The following CEBPZ variants were observed in gnomAD, a reference collection of about 807,000 sequenced individuals.
CEBPZ encodes CCAAT enhancer binding protein zeta.
Under a neutral mutation model 104.5 loss-of-function variants are expected in CEBPZ, and 78 were observed. The observed-to-expected ratio is 0.75, with a 90% confidence interval of 0.62 to 0.90. The LOEUF (loss-of-function observed/expected upper bound fraction) is 0.90. Among genes scored for constraint, CEBPZ ranks in the 40% least tolerant of loss-of-function variants. The pLI, the probability that CEBPZ is intolerant of heterozygous loss-of-function variation, is 0.00. For synonymous variants in CEBPZ, 470 were observed against 427.0 expected (o/e 1.10, Z -1.24); for missense variants, 1,439 against 1,233.5 (o/e 1.17, Z -2.50).
Position 37,213,898 on chromosome 2 carries a change from T to G in CEBPZ, c.2511A>C (p.Glu837Asp). Residue 837 changes from glutamate (E) to aspartate (D), a missense_variant, in exon 10 of 16, where the codon GAA becomes GAC. Coordinates refer to ENST00000234170, the MANE Select transcript of CEBPZ (RefSeq NM_005760.3). ...CTTCAAATTCTTCATCATCCACGTC[T>G]TCTATACTTTCTTCATCTGCATCCC... ...QKRDADEESIEDVDDEEFEEL... is the reference protein window; with the variant it reads ...QKRDADEESIDDVDDEEFEEL... 1.2e-6 allele frequency: 2 copies of G among 1,602,780 alleles called. No individual in the cohort carries two copies. Among genetic ancestry groups the G allele is most frequent in the Non-Finnish European group, 1.7e-6 (2 of 1,176,354 alleles).
At chr2:37,218,209 G>T (rs1572503939) in intron 5 of CEBPZ, among the ~76,000 whole-genome samples, 1 of 151,884 alleles carries the variant, frequency 6.6e-6, no homozygotes, top group Admixed American at 6.6e-5. Context: ...GGAGCTTGCA[G>T]TGAGCTGAGA....
chr2:37,206,983 A>G (rs1375386273), intron 13 of CEBPZ, among the ~76,000 whole-genome samples: 1 of 152,220 alleles, frequency 6.6e-6, no homozygotes, highest in Non-Finnish European at 1.5e-5. Context: ...ATGGAAACCA[A>G]AAGCAAGCAG....
chr2:37,225,405 G>T (rs1049802872), intron 2 of CEBPZ, among the ~76,000 whole-genome samples: 1 of 151,418 alleles, frequency 6.6e-6, no homozygotes, highest in Non-Finnish European at 1.5e-5. Context: ...TATGTACTAA[G>T]AAAAATTCTT....
intron 1 of CEBPZ, among the ~76,000 whole-genome samples, 184 bp from the exon 2 acceptor site, chr2:37,229,220 TAC>T (rs539650296): frequency 2.0e-5 from 3 of 151,594 alleles, no homozygotes; most frequent in Admixed American, 6.6e-5. Flanking sequence ...CTCTTTCTTT[TAC>T]ACACACACAC....
intron 13 of CEBPZ, among the ~76,000 whole-genome samples, chr2:37,207,944 CAATT>C (rs1677594168): frequency 6.6e-6 from 1 of 151,906 alleles, no homozygotes; most frequent in African/African-American, 2.4e-5. Flanking sequence ...TGAATAAGCT[CAATT>C]AGAGACGAAA....
At chr2:37,207,247 A>C (rs1226175403) in intron 13 of CEBPZ, among the ~76,000 whole-genome samples, 10 of 152,250 alleles carry the variant, frequency 6.6e-5, no homozygotes, top group Non-Finnish European at 4.4e-5. Flanking sequence ...CGGGTCATCA[A>C]GACAGAAAGT....
At chr2:37,222,232 C>T (rs541436746) in intron 4 of CEBPZ, 148 bp downstream of exon 4, 10 of 576,954 alleles carry the variant, frequency 1.7e-5, no homozygotes, top group East Asian at 6.9e-5. Context: ...TGCAGTGAGC[C>T]GAGATCACGC....
chr2:37,231,585 C>T lies in CEBPZ; in HGVS notation c.-18G>A. The stretch of plus-strand genomic sequence containing the variant: ...GCGGCCATGGCGGGCAAAGCATACG[C>T]GCGTGAAACTCAGCCTATTTCCGCT... On this transcript the variant is annotated 5_prime_UTR_variant, in exon 1 of 16. Transcript: ENST00000234170. 2 of 1,614,250 alleles carry T rather than the reference C, an allele frequency of 1.2e-6. No homozygotes were observed. Among genetic ancestry groups the T allele is most frequent in the African/African-American group, 1.3e-5 (1 of 75,072 alleles).
In CEBPZ at chr2:37,211,853, C is replaced by G; in HGVS notation, c.2790G>C (p.Glu930Asp). The G allele has an allele frequency of 6.3e-7, 1 of 1,599,050 alleles. No homozygotes were observed. Among genetic ancestry groups the G allele is most frequent in the Non-Finnish European group, 8.5e-7 (1 of 1,174,642 alleles). The change falls in exon 12 of 16, where the codon GAG (glutamate) becomes GAC (aspartate). Residue 930 changes from glutamate to aspartate, a missense_variant. By Grantham distance (45) the Glu-to-Asp change is conservative. Transcript: ENST00000234170. Reference protein sequence around the residue: ...TFMDVLDDESESVPELEVHSK... With the variant: ...TFMDVLDDESDSVPELEVHSK... The stretch of plus-strand genomic sequence containing the variant: ...TTAAAAAATGCTTACCTGGAACGCT[C>G]TCACTTTCATCATCTAACACATCCA...
chr2:37,214,994 C>G (rs1209337357), intron 8 of CEBPZ, 42 bp from the exon 9 acceptor site: 1 of 1,247,586 alleles, frequency 8.0e-7, no homozygotes. Context: ...ATATAGCAAT[C>G]CCCTTTATGT....
chr2:37,206,907 C>G (rs903899281), intron 13 of CEBPZ, among the ~76,000 whole-genome samples: 4 of 152,116 alleles, frequency 2.6e-5, no homozygotes, highest in Non-Finnish European at 5.9e-5. Context: ...GTTCAGGAGA[C>G]TCACGTAACA....
intron 1 of CEBPZ, 145 bp from the exon 2 acceptor site, chr2:37,229,181 G>A (rs1051440170): frequency 1.1e-5 from 7 of 662,074 alleles, no homozygotes; most frequent in African/African-American, 9.5e-5. Flanking sequence ...GGTCCACAAA[G>A]GAAAGGATAA....
In CEBPZ at chr2:37,216,313, T is replaced by C; in HGVS notation, c.2311+3A>G. 1.2e-6 allele frequency: 2 copies of C among 1,612,254 alleles called. No homozygotes were observed. Among genetic ancestry groups the C allele is most frequent in the Non-Finnish European group, 1.7e-6 (2 of 1,178,858 alleles). Reference sequence around the variant, plus strand: ...CCAAATAATTCACTAAATAGAAGCATACCTTTGCCTTTATGGGGCTTTGGA... The same window carrying C: ...CCAAATAATTCACTAAATAGAAGCACACCTTTGCCTTTATGGGGCTTTGGA... On this transcript the variant is annotated splice_donor_region_variant and intron_variant, in intron 7 of 15. Coordinates refer to ENST00000234170, the MANE Select transcript of CEBPZ (RefSeq NM_005760.3).
intron 1 of CEBPZ, among the ~76,000 whole-genome samples, chr2:37,231,021 G>A (rs956079285): frequency 6.6e-6 from 1 of 152,140 alleles, no homozygotes; most frequent in African/African-American, 2.4e-5. Flanking sequence ...GAGGGCTTCT[G>A]GGGCATACAG....
At chr2:37,216,477 A>T in intron 6 of CEBPZ, 59 bp from the exon 7 acceptor site, 1 of 1,122,964 alleles carries the variant, frequency 8.9e-7, no homozygotes, top group Non-Finnish European at 1.3e-6. Context: ...GAATCCAAGT[A>T]AGAAAAAGGA....
chr2:37,204,902 A>T lies in CEBPZ; in HGVS notation c.2885-1894T>A, dbSNP rs189012499. Among the ~76,000 whole-genome samples the T allele has an allele frequency of 1.3e-4, 20 of 152,228 alleles. No homozygotes were observed. The East Asian group carries it at 2.5e-3, about 19-fold the overall frequency. On this transcript the variant is annotated intron_variant, in intron 13 of 15. Coordinates refer to ENST00000234170, the MANE Select transcript of CEBPZ (RefSeq NM_005760.3). ...AGAGCATCTTTTTTAACATTAAAAA[A>T]TTTTTTTCTTCTCCTCAAATTCCTT... is the stretch of plus-strand genomic sequence containing the variant.
intron 10 of CEBPZ, 81 bp downstream of exon 10, chr2:37,213,783 G>T: frequency 1.1e-6 from 1 of 888,376 alleles, no homozygotes; most frequent in Non-Finnish European, 1.7e-6. Flanking sequence ...TAAAACTAAG[G>T]CCACTTCTCC....
At chr2:37,219,120 CTTTT>C (rs34719734) in intron 5 of CEBPZ, among the ~76,000 whole-genome samples, 1 of 152,134 alleles carries the variant, frequency 6.6e-6, no homozygotes, top group South Asian at 2.1e-4. Context: ...ATACTGCCAG[CTTTT>C]TTGTTTCATT....
At chr2:37,203,931 T>G (rs1452340630) in intron 13 of CEBPZ, 4 of 152,358 alleles carry the variant, frequency 2.6e-5, no homozygotes, top group African/African-American at 9.6e-5. Flanking sequence ...ATTTTGCTTA[T>G]CAGTTAATGG....
Sources: gnomAD v4.1 joint callset for allele counts (sites outside exome capture counted in the v4.1 genomes callset) on GRCh38, gnomAD v4.1.1 for gene constraint, MANE v1.5 for transcripts, NCBI Gene and HGNC (gene_info 2026-07-23, HGNC 2026-07-21) for gene names.